AKAP11: variants seen among roughly 807,000 people sequenced by gnomAD.
The protein encoded by AKAP11 is A-kinase anchor protein 11.
Under a neutral mutation model 146.1 loss-of-function variants are expected in AKAP11, and 36 were observed. The observed-to-expected ratio is 0.25, with a 90% CI of 0.19 to 0.33. The LOEUF is 0.33. AKAP11 is among the 10% of genes least tolerant of loss of function. The pLI, the probability that AKAP11 is intolerant of heterozygous loss-of-function variation, is 1.00. For missense variants in AKAP11, 2,201 were observed against 2,197.0 expected (o/e 1.00, Z -0.04); for synonymous variants, 780 against 786.5 (o/e 0.99, Z 0.14).
chr13:42,303,985 C>T, intron 8 of AKAP11, 122 bp downstream of exon 8: 2 of 1,254,794 alleles, frequency 1.6e-6, no homozygotes, highest in South Asian at 1.8e-5. Flanking sequence ...CAAAAGTTTT[C>T]CCTGTTGCAT....
intron 3 of AKAP11, among the ~76,000 whole-genome samples, chr13:42,289,199 A>T (rs1959187576): frequency 6.6e-6 from 1 of 152,146 alleles, no homozygotes; most frequent in African/African-American, 2.4e-5. Context: ...TGATTTTCCT[A>T]ATTCTACCAT....
At position 42,284,254 on chromosome 13, in the gene AKAP11, T is replaced by C. The variant is rs3783186; in HGVS notation, c.-99-1732T>C. On this transcript the variant is annotated intron_variant, in intron 1 of 12. Coordinates refer to ENST00000025301, the MANE Select transcript of AKAP11 (RefSeq NM_016248.4). ...TAGATGCTCTAGGATCATTATTTGC[T>C]TTGATGCATTCCCAAAAGCAGAAAT... Among the ~76,000 whole-genome samples, 1,285 of 152,352 alleles carry C rather than the reference T, an allele frequency of 8.4e-3. 15 individuals are homozygous for C. Among genetic ancestry groups the C allele is most frequent in the East Asian group, 0.078 (407 of 5,190 alleles).
chr13:42,291,305 T>C (rs756528938), intron 3 of AKAP11, among the ~76,000 whole-genome samples: 1 of 152,142 alleles, frequency 6.6e-6, no homozygotes, highest in Non-Finnish European at 1.5e-5. Flanking sequence ...CAGGCTGGAG[T>C]GCAGTGGCGC....
At chr13:42,295,001 A>T (rs1253216655) in intron 4 of AKAP11, among the ~76,000 whole-genome samples, 2 of 152,148 alleles carry the variant, frequency 1.3e-5, no homozygotes, top group Non-Finnish European at 2.9e-5. Context: ...TTCTTTAGAA[A>T]GTCTGTTTAT....
At chr13:42,290,752 C>T (rs1243561087) in intron 3 of AKAP11, among the ~76,000 whole-genome samples, 1 of 152,132 alleles carries the variant, frequency 6.6e-6, no homozygotes, top group Non-Finnish European at 1.5e-5. Context: ...AAGCTGGCTT[C>T]TGTGTTTTTT....
chr13:42,279,452 C>T (rs1195530732), intron 1 of AKAP11, among the ~76,000 whole-genome samples: 2 of 152,208 alleles, frequency 1.3e-5, no homozygotes, highest in Non-Finnish European at 2.9e-5. Flanking sequence ...TACAAGTTCA[C>T]TGAGCTTTTC....
intron 1 of AKAP11, among the ~76,000 whole-genome samples, chr13:42,279,170 C>T (rs951636837): frequency 1.4e-4 from 21 of 151,728 alleles, no homozygotes; most frequent in Admixed American, 2.0e-4. Context: ...TGTCAGTTTA[C>T]GGTTTTCATC....
chr13:42,311,597 T>C (rs1269851779), intron 9 of AKAP11, among the ~76,000 whole-genome samples: 2 of 151,088 alleles, frequency 1.3e-5, no homozygotes, highest in Non-Finnish European at 3.0e-5. Flanking sequence ...CGTTTAGCTG[T>C]TTTTTTTTAA....
At chr13:42,271,567 G>C (rs1342609617), upstream of AKAP11, among the ~76,000 whole-genome samples, 1 of 152,218 alleles carries the variant, frequency 6.6e-6, no homozygotes, top group Non-Finnish European at 1.5e-5. Context: ...CCGGGCTTCG[G>C]AAGAAAGCAA....
At chr13:42,287,943 CT>C (rs1299348952) in intron 3 of AKAP11, among the ~76,000 whole-genome samples, 6 of 152,124 alleles carry the variant, frequency 3.9e-5, no homozygotes, top group Non-Finnish European at 8.8e-5. Flanking sequence ...AGGTTAGTGT[CT>C]TTTGTTATTC....
At chr13:42,309,438 C>T (rs2138665464) in intron 9 of AKAP11, among the ~76,000 whole-genome samples, 1 of 152,122 alleles carries the variant, frequency 6.6e-6, no homozygotes, top group East Asian at 1.9e-4. Context: ...TGAACTTAGC[C>T]CCTGGAAATG....
rs377672654 is a variant in AKAP11 at position 42,286,354 on chromosome 13, G to A, written c.6G>A (p.Ala2=). 70 of 1,599,622 alleles carry A rather than the reference G, an allele frequency of 4.4e-5. No homozygotes were observed. The highest frequency in any genetic ancestry group is 3.3e-4 in the Middle Eastern group (2 of 6,048). The change falls in exon 3 of 13, where the codon GCG becomes GCA. Residue 2 remains alanine (A), a synonymous_variant. Coordinates refer to ENST00000025301, the MANE Select transcript of AKAP11 (RefSeq NM_016248.4). ...ATATACAACAAAAAATAGTTATGGC[G>A]ACTTTCAGAAACAATCACATGAAGA... is the stretch of plus-strand genomic sequence containing the variant. The part of the protein sequence containing the change: M[A]TFRNNHMKTK...
Position 42,300,992 on chromosome 13 carries a change from A to G in AKAP11, c.2246A>G (p.Gln749Arg), listed in dbSNP as rs1385181952. 6.2e-7 allele frequency: 1 copy of G among 1,614,094 alleles called. No homozygotes were observed. The part of the protein sequence containing the change: ...AVTFSPSFHN[Q>R]AIMVTKPVQE... ...ACGTTTTCCCCTTCTTTTCACAATC[A>G]AGCAATTATGGTGACAAAACCAGTG... The change falls in exon 8 of 13, where the codon CAA becomes CGA. Residue 749 changes from glutamine to arginine, a missense_variant. By Grantham distance (43) the Gln-to-Arg change is conservative. This residue lies in a region of AKAP11 where 1,867 missense variants were observed against 1,833.5 expected (regional missense o/e 1.02). Coordinates refer to ENST00000025301, the MANE Select transcript of AKAP11 (RefSeq NM_016248.4).
Position 42,299,816 on chromosome 13 carries a change from A to T in AKAP11, c.1070A>T (p.Asp357Val). ...DSDSEVSEFF[D>V]SFDQFDELEQ... Reference sequence around the variant, plus strand: ...GACTCAGAAGTAAGTGAATTTTTTGATAGTTTTGATCAGTTTGATGAACTA... The same window carrying T: ...GACTCAGAAGTAAGTGAATTTTTTGTTAGTTTTGATCAGTTTGATGAACTA... The change falls in exon 8 of 13, where the codon GAT (aspartate) becomes GTT (valine). Residue 357 changes from aspartate (D) to valine (V), a missense_variant. Physicochemically the swap from Asp to Val is radical, Grantham distance 152. This residue lies in a region of AKAP11 where 1,867 missense variants were observed against 1,833.5 expected (regional missense o/e 1.02). Coordinates refer to ENST00000025301, the MANE Select transcript of AKAP11 (RefSeq NM_016248.4). 6.2e-7 allele frequency: 1 copy of T among 1,613,770 alleles called. No individual in the cohort carries two copies. The highest frequency in any genetic ancestry group is 1.1e-5 in the South Asian group (1 of 91,052).
intron 8 of AKAP11, among the ~76,000 whole-genome samples, chr13:42,307,294 G>A (rs966577870): frequency 6.6e-6 from 1 of 152,114 alleles, no homozygotes; most frequent in African/African-American, 2.4e-5. Flanking sequence ...CTAGGGATAC[G>A]GAAGTAAGTA....
At position 42,322,888 on chromosome 13, in the gene AKAP11, A is replaced by G. The variant is rs1961144721; in HGVS notation, c.*3660A>G. ...TGAATACTATTTAATATCCGGTTTTAATATTGCTGGATTTGCTACCTTTGG... is the reference window on the plus strand; with the variant it reads ...TGAATACTATTTAATATCCGGTTTTGATATTGCTGGATTTGCTACCTTTGG... On this transcript the variant is annotated 3_prime_UTR_variant, in exon 13 of 13. Transcript: ENST00000025301. 6.6e-6 allele frequency: 1 copy of G among 152,586 alleles called. No individual in the cohort carries two copies. The highest frequency in any genetic ancestry group is 6.5e-5 in the Admixed American group (1 of 15,274). The allele number at this position is 152,586 out of a possible 1,614,324, so 9.5% of individuals were successfully genotyped here.
chr13:42,302,313 G>A lies in AKAP11; in HGVS notation c.3567G>A (p.Ser1189=), dbSNP rs753115049. The change falls in exon 8 of 13, where the codon TCG becomes TCA. Residue 1189 remains serine (S), a synonymous_variant. Coordinates refer to ENST00000025301, the MANE Select transcript of AKAP11 (RefSeq NM_016248.4). The part of the protein sequence containing the change: ...SGELPEVDVK[S]EHSGKKVQFA... ...AGCTCCCAGAAGTGGATGTGAAGTC[G>A]GAGCACTCAGGGAAGAAGGTTCAGT... The A allele has an allele frequency of 5.0e-6, 8 of 1,614,140 alleles. No individual in the cohort carries two copies. The highest frequency in any genetic ancestry group is 2.2e-5 in the East Asian group (1 of 44,876).
At chr13:42,312,876 G>C (rs1960629378) in intron 9 of AKAP11, among the ~76,000 whole-genome samples, 171 bp from the exon 10 acceptor site, 2 of 152,164 alleles carry the variant, frequency 1.3e-5, no homozygotes, top group Non-Finnish European at 1.5e-5. Context: ...GAACTTGTCA[G>C]GCACCTTTTA....
At chr13:42,317,319 A>G (rs532973513) in intron 11 of AKAP11, among the ~76,000 whole-genome samples, 2 of 152,366 alleles carry the variant, frequency 1.3e-5, no homozygotes, top group East Asian at 3.9e-4. Flanking sequence ...TGCAATCAAT[A>G]AATGATCAAA....
Sources: allele counts gnomAD v4.1 joint callset (sites outside exome capture counted in the v4.1 genomes callset), GRCh38; gene constraint gnomAD v4.1.1; regional missense constraint gnomAD v4.1.1; transcripts MANE v1.5; gene names NCBI Gene and HGNC (gene_info 2026-07-23, HGNC 2026-07-21).